Variants in CNTN6 observed in about 807,000 individuals in gnomAD.
CNTN6 encodes the protein contactin-6.
In CNTN6, 137 loss-of-function variants were observed where a neutral mutation model predicts 122.8. The ratio of observed to expected loss-of-function variants is 1.12; its 90% CI spans 0.97 to 1.29. The LOEUF is 1.29. Ranked by LOEUF, CNTN6 falls within the 50% of genes most tolerant of loss-of-function variation. The pLI is 0.00. For missense variants in CNTN6, 1,634 were observed against 1,223.4 expected, an observed-to-expected ratio of 1.34 and a Z score of -5.01; for synonymous variants, 570 against 426.0, an observed-to-expected ratio of 1.34 and a Z score of -4.16.
At chr3:1,231,881 G>C (rs1317178628) in intron 4 of CNTN6, among the ~76,000 whole-genome samples, 1 of 152,154 alleles carries the variant, frequency 6.6e-6, no homozygotes. Context: ...TGGCATTCTT[G>C]AATGATAAAA....
chr3:1,165,661 C>T (rs1026790334), intron 2 of CNTN6, among the ~76,000 whole-genome samples: 2 of 152,160 alleles, frequency 1.3e-5, no homozygotes, highest in African/African-American at 2.4e-5. Context: ...TGCTGAGTAT[C>T]TCACTAGTTC....
chr3:1,326,082 C>G (rs1701504641), intron 9 of CNTN6, 131 bp downstream of exon 9: 2 of 699,844 alleles, frequency 2.9e-6, no homozygotes, highest in East Asian at 5.7e-5. Context: ...AGGATGCATA[C>G]ACTGATTTAT....
chr3:1,162,006 A>G (rs1249932929), intron 2 of CNTN6, among the ~76,000 whole-genome samples: 1 of 152,104 alleles, frequency 6.6e-6, no homozygotes, highest in African/African-American at 2.4e-5. Context: ...TCTCAATCTG[A>G]AGATACCTAA....
intron 2 of CNTN6, among the ~76,000 whole-genome samples, chr3:1,166,403 C>G (rs1163903604): frequency 6.6e-6 from 1 of 152,076 alleles, no homozygotes; most frequent in Non-Finnish European, 1.5e-5. Flanking sequence ...AAACACAAGG[C>G]AATTTCTAGG....
intron 1 of CNTN6, among the ~76,000 whole-genome samples, chr3:1,121,331 T>G (rs568429695): frequency 9.9e-5 from 15 of 152,044 alleles, no homozygotes; most frequent in African/African-American, 3.1e-4. Flanking sequence ...ATTGAATCTC[T>G]TATTTATAAA....
intron 4 of CNTN6, among the ~76,000 whole-genome samples, chr3:1,268,889 G>C (rs1436328578): frequency 1.3e-5 from 2 of 152,024 alleles, no homozygotes; most frequent in Non-Finnish European, 2.9e-5. Context: ...GCTAAGGCAG[G>C]AGGATTGCAT....
chr3:1,335,832 C>T (rs1199695248), intron 11 of CNTN6, among the ~76,000 whole-genome samples: 2 of 152,012 alleles, frequency 1.3e-5, no homozygotes, highest in Non-Finnish European at 2.9e-5. Flanking sequence ...AGTTCGAGAC[C>T]AGCCTGGGCA....
chr3:1,362,251 G>C (rs1707574313), intron 12 of CNTN6, among the ~76,000 whole-genome samples: 1 of 151,920 alleles, frequency 6.6e-6, no homozygotes, highest in Admixed American at 6.6e-5. Flanking sequence ...TTACATTTTT[G>C]ATCCACAACG....
At chr3:1,250,872 G>T (rs934291385) in intron 4 of CNTN6, among the ~76,000 whole-genome samples, 3 of 152,058 alleles carry the variant, frequency 2.0e-5, no homozygotes, top group African/African-American at 7.2e-5. Context: ...TCTTACCACA[G>T]GTCTGTCAGT....
intron 2 of CNTN6, among the ~76,000 whole-genome samples, chr3:1,165,023 G>C (rs908660471): frequency 6.6e-6 from 1 of 152,168 alleles, no homozygotes; most frequent in Non-Finnish European, 1.5e-5. Flanking sequence ...GACTGTTTCA[G>C]TGGTATCATA....
At chr3:1,269,003 TAAA>T (rs1475789613) in intron 4 of CNTN6, among the ~76,000 whole-genome samples, 1 of 151,980 alleles carries the variant, frequency 6.6e-6, no homozygotes, top group Admixed American at 6.6e-5. Flanking sequence ...ATAAATAAAA[TAAA>T]AATAAAAATT....
intron 4 of CNTN6, among the ~76,000 whole-genome samples, chr3:1,240,093 C>G (rs2094463880): frequency 6.6e-6 from 1 of 152,116 alleles, no homozygotes; most frequent in African/African-American, 2.4e-5. Flanking sequence ...TGGAACAACA[C>G]TTCCAGACAT....
chr3:1,386,727 A>AAAGAT (rs1693021598), intron 20 of CNTN6, among the ~76,000 whole-genome samples: 1 of 152,074 alleles, frequency 6.6e-6, no homozygotes, highest in Non-Finnish European at 1.5e-5. Flanking sequence ...CTGATGAATG[A>AAAGAT]AAGATAACAA....
At chr3:1,146,451 A>G (rs1046091907) in intron 1 of CNTN6, among the ~76,000 whole-genome samples, 1 of 152,064 alleles carries the variant, frequency 6.6e-6, no homozygotes, top group Non-Finnish European at 1.5e-5. Context: ...CATCCCATGT[A>G]CACACACTCT....
intron 1 of CNTN6, among the ~76,000 whole-genome samples, chr3:1,113,772 C>G (rs2091591251): frequency 6.6e-6 from 1 of 152,146 alleles, no homozygotes. Flanking sequence ...TCTATTTAAT[C>G]ATAGGCTGCA....
At chr3:1,265,844 A>G (rs182767165) in intron 4 of CNTN6, among the ~76,000 whole-genome samples, 11 of 152,264 alleles carry the variant, frequency 7.2e-5, no homozygotes, top group Middle Eastern at 3.4e-3. Flanking sequence ...GTTTTTTGAA[A>G]TATCAATGTA....
chr3:1,260,807 G>T (rs910837527), intron 4 of CNTN6, among the ~76,000 whole-genome samples: 10 of 152,000 alleles, frequency 6.6e-5, no homozygotes, highest in South Asian at 2.1e-4. Context: ...TGTAAAGAAG[G>T]ACGTGTATGC....
At chr3:1,262,961 T>A (rs958237345) in intron 4 of CNTN6, among the ~76,000 whole-genome samples, 1 of 152,150 alleles carries the variant, frequency 6.6e-6, no homozygotes, top group African/African-American at 2.4e-5. Flanking sequence ...TAATTAAATC[T>A]ACATATCGTT....
At chr3:1,318,114 A>G (rs953284009) in intron 7 of CNTN6, among the ~76,000 whole-genome samples, 1 of 151,594 alleles carries the variant, frequency 6.6e-6, no homozygotes, top group Non-Finnish European at 1.5e-5. Flanking sequence ...AGAAAGAAAG[A>G]AAGAAGAGAG....
Sources: allele counts gnomAD v4.1 joint callset (sites outside exome capture counted in the v4.1 genomes callset), GRCh38; gene constraint gnomAD v4.1.1; transcripts MANE v1.5; gene names NCBI Gene and HGNC (gene_info 2026-07-23, HGNC 2026-07-21).